The following PSG5 variants were observed in gnomAD, a reference collection of about 807,000 sequenced individuals.
The protein encoded by PSG5 is pregnancy specific beta-1-glycoprotein 5.
A neutral mutation model predicts 37.7 loss-of-function variants in PSG5; 53 were observed. That is an observed-to-expected ratio of 1.41 (90% CI 1.13 to 1.77). PSG5 has a LOEUF of 1.77. Among genes scored for constraint, PSG5 ranks in the 40% most tolerant of loss-of-function variants. The pLI is 0.00. For synonymous variants in PSG5, 221 were observed against 155.4 expected, an observed-to-expected ratio of 1.42 and a Z score of -3.14; for missense variants, 547 against 405.2, an observed-to-expected ratio of 1.35 and a Z score of -3.00.
At position 43,186,389 on chromosome 19, in the gene PSG5, G is replaced by T. The variant is rs1238338729; in HGVS notation, c.17C>A (p.Ala6Asp). Residue 6 changes from alanine to aspartate, a missense_variant, in exon 1 of 6, where the codon GCC becomes GAC. Coordinates refer to ENST00000342951, the MANE Select transcript of PSG5 (RefSeq NM_002781.4). ...GGTGATGTGCTGTGTGCAGGGAGGG[G>T]CTGAGAGGGGCCCCATGGTCTCTGC... MGPLSAPPCTQHITWK... is the reference protein window; with the variant it reads MGPLSDPPCTQHITWK... 6.2e-7 allele frequency: 1 copy of T among 1,612,098 alleles called. No individual in the cohort carries two copies. Among genetic ancestry groups the T allele is most frequent in the Non-Finnish European group, 8.5e-7 (1 of 1,178,894 alleles).
chr19:43,186,072 G>T (rs1267038137), intron 1 of PSG5, among the ~76,000 whole-genome samples: 2 of 151,032 alleles, frequency 1.3e-5, no homozygotes, highest in Non-Finnish European at 3.0e-5. Flanking sequence ...TGCCTCCCGG[G>T]TTCATGTGAT....
intron 2 of PSG5, among the ~76,000 whole-genome samples, chr19:43,177,940 TG>T (rs5828161): frequency 0.67 from 101,823 of 151,210 alleles, 35,544 homozygotes; most frequent in East Asian, 0.99. Context: ...TTGACCTTTT[TG>T]GTTAAACTTA....
Position 43,175,372 on chromosome 19 carries a change from T to C in PSG5, c.807A>G (p.Ala269=). 1 of 1,612,920 alleles carries C rather than the reference T, an allele frequency of 6.2e-7. No individual in the cohort carries two copies. Among genetic ancestry groups the C allele is most frequent in the Non-Finnish European group, 8.5e-7 (1 of 1,179,274 alleles). The change falls in exon 4 of 6, where the codon GCA becomes GCG. Residue 269 remains alanine (A), a synonymous_variant. Coordinates refer to ENST00000342951, the MANE Select transcript of PSG5 (RefSeq NM_002781.4). ...TCCCATTAATTGTCCAAAAATACTC[T>C]GCCGGTGGGTTAGATTCCGCGAAGC... ...LSCFAESNPP[A]EYFWTINGKF... is the part of the protein sequence containing the mutation.
chr19:43,168,707 T>C (rs1968840987), intron 5 of PSG5, among the ~76,000 whole-genome samples: 1 of 151,706 alleles, frequency 6.6e-6, no homozygotes, highest in South Asian at 2.1e-4. Flanking sequence ...CCATAAATAT[T>C]ATTTAGAGAA....
Position 43,185,074 on chromosome 19 carries a change from G to A in PSG5, c.138C>T (p.Ser46=), listed in dbSNP as rs144183097. 1.0e-4 allele frequency: 162 copies of A among 1,612,228 alleles called. 3 individuals carry two copies. The highest frequency in any genetic ancestry group is 3.8e-4 in the Admixed American group (23 of 59,872). ...VTIEALPPKV[S]EGKDVLLLVH... ...CAAGTAGAAGAACATCCTTCCCCTC[G>A]GAAACTTTGGGTGGCAGGGCTTCAA... The change falls in exon 2 of 6, where the codon TCC becomes TCT. Residue 46 remains serine (S), a synonymous_variant. Transcript: ENST00000342951.
At chr19:43,183,266 G>A (rs970838500) in intron 2 of PSG5, 26 of 347,170 alleles carry the variant, frequency 7.5e-5, no homozygotes, top group African/African-American at 4.8e-4. Flanking sequence ...GTGGCTTTAG[G>A]GGCAAGAGGT....
chr19:43,172,005 G>C (rs1357414102), intron 4 of PSG5, among the ~76,000 whole-genome samples: 1 of 142,430 alleles, frequency 7.0e-6, no homozygotes, highest in Non-Finnish European at 1.5e-5. Context: ...AAAAGAAAAA[G>C]AAAGAAAGAA....
rs763655840 is a variant in PSG5, at chr19:43,175,476, C to G, written c.710-7G>C. ...CTGGGGAGGTCTGGACCATCTGGAGCAAAGAGAATGAAGCCACAGGTGATG... is the reference window on the plus strand; with the variant it reads ...CTGGGGAGGTCTGGACCATCTGGAGGAAAGAGAATGAAGCCACAGGTGATG... On this transcript the variant is annotated splice_polypyrimidine_tract_variant and splice_region_variant and intron_variant, in intron 3 of 5. Transcript: ENST00000342951. 1.3e-5 allele frequency: 21 copies of G among 1,600,224 alleles called. 1 individual carries two copies. In the Middle Eastern group the frequency reaches 5.0e-4, roughly 38 times the overall value.
chr19:43,175,800 A>C lies in PSG5; in HGVS notation c.709+70T>G, dbSNP rs1464531224. 2.0e-5 allele frequency: 32 copies of C among 1,594,928 alleles called. 1 individual carries two copies. In the Admixed American group the frequency reaches 5.1e-4, roughly 25 times the overall value. On this transcript the variant is annotated intron_variant, in intron 3 of 5. Transcript: ENST00000342951. ...CTATACTTGGACCGGAGAAAGACTG[A>C]GAGGACTGGCTTGTGGTCATTTAGA...
Position 43,184,794 on chromosome 19 carries a change from A to G in PSG5, c.418T>C (p.Phe140Leu). The G allele has an allele frequency of 1.2e-6, 2 of 1,612,264 alleles. No homozygotes were observed. The highest frequency in any genetic ancestry group is 2.2e-5 in the South Asian group (2 of 90,984). ...RTRGVTGYFT[F>L]NLYLKLPKPY... ...TGGAATCACTCACGGTATAAGTTGA[A>G]GGTGAAATATCCAGTTACTCCTCTA... The change falls in exon 2 of 6, where the codon TTC becomes CTC. Residue 140 changes from phenylalanine (F) to leucine (L), a missense_variant. Physicochemically the swap from Phe to Leu is conservative, Grantham distance 22. Transcript: ENST00000342951.
rs1969120741 is a variant in PSG5, at chr19:43,181,185, C to T, written c.430+3597G>A. 1.3e-5 allele frequency among the ~76,000 whole-genome samples: 2 copies of T among 151,580 alleles called. 1 individual carries two copies. Among genetic ancestry groups the T allele is most frequent in the Non-Finnish European group, 2.9e-5 (2 of 67,916 alleles). ...CCATTAGATAGCACACACCTGGCCA[C>T]CTCCAACTGGTCCCCAAAACCACCA... On this transcript the variant is annotated intron_variant, in intron 2 of 5. Transcript: ENST00000342951.
intron 1 of PSG5, 131 bp from the exon 2 acceptor site, chr19:43,185,278 A>G: frequency 7.9e-7 from 1 of 1,262,728 alleles, no homozygotes; most frequent in Non-Finnish European, 1.1e-6. Context: ...ACACACACAC[A>G]CACAAAAGGT....
rs1446628208 is a variant in PSG5 at position 43,178,030 on chromosome 19, T to C, written c.431-1882A>G. Among the ~76,000 whole-genome samples the C allele has an allele frequency of 1.3e-5, 2 of 151,710 alleles. 1 individual carries two copies. Among genetic ancestry groups the C allele is most frequent in the Non-Finnish European group, 2.9e-5 (2 of 67,950 alleles). On this transcript the variant is annotated intron_variant, in intron 2 of 5. Coordinates refer to ENST00000342951, the MANE Select transcript of PSG5 (RefSeq NM_002781.4). ...AATTTCCTTTCAGATTGTTCATTGT[T>C]AGTGTATAGCCTAAAGAATGATCTA...
chr19:43,173,568 A>C (rs1482083161), intron 4 of PSG5, among the ~76,000 whole-genome samples: 1 of 151,658 alleles, frequency 6.6e-6, no homozygotes, highest in Admixed American at 6.6e-5. Flanking sequence ...TTCTCCAAGG[A>C]AGATATACAA....
At position 43,185,145 on chromosome 19, in the gene PSG5, A is replaced by G. The variant is rs199504013; in HGVS notation, c.67T>C (p.Ser23Pro). The G allele has an allele frequency of 1.9e-6, 3 of 1,599,610 alleles. No homozygotes were observed. In the East Asian group the frequency reaches 6.7e-5, roughly 36 times the overall value. ...ITWKGLLLTA[S>P]LLNFWNLPIT... is the part of the protein sequence containing the mutation. ...GGCAGGTTCCAGAAGTTTAAAAGTG[A>G]TGCTAGGAGGTGGAGAAAGCACCAG... Residue 23 changes from serine (S) to proline (P), a missense_variant and splice_region_variant, in exon 2 of 6, where the codon TCA becomes CCA. Physicochemically the swap from Ser to Pro is moderately conservative, Grantham distance 74 (BLOSUM62 -1). Coordinates refer to ENST00000342951, the MANE Select transcript of PSG5 (RefSeq NM_002781.4).
chr19:43,173,801 G>A (rs1387627292), intron 4 of PSG5, among the ~76,000 whole-genome samples: 1 of 151,530 alleles, frequency 6.6e-6, no homozygotes, highest in African/African-American at 2.4e-5. Flanking sequence ...TGTAAAAAGT[G>A]GTGTGGCTGT....
rs574195972 is a variant in PSG5 at position 43,184,802 on chromosome 19, T to C, written c.410A>G (p.Tyr137Cys). The change falls in exon 2 of 6, where the codon TAT (tyrosine) becomes TGT (cysteine). Residue 137 changes from tyrosine to cysteine, a missense_variant. Coordinates refer to ENST00000342951, the MANE Select transcript of PSG5 (RefSeq NM_002781.4). ...RGDRTRGVTG[Y>C]FTFNLYLKLP... ...CTCACGGTATAAGTTGAAGGTGAAA[T>C]ATCCAGTTACTCCTCTAGTCCTATC... 1 of 1,612,216 alleles carries C rather than the reference T, an allele frequency of 6.2e-7. No individual in the cohort carries two copies. Among genetic ancestry groups the C allele is most frequent in the Admixed American group, 1.7e-5 (1 of 59,860 alleles).
chr19:43,169,545 T>A (rs1286396292), intron 5 of PSG5, among the ~76,000 whole-genome samples: 4 of 151,410 alleles, frequency 2.6e-5, no homozygotes, highest in African/African-American at 9.7e-5. Context: ...GAAGTAGAGG[T>A]AAAGGAAGTG....
chr19:43,178,774 G>A (rs1315112561), intron 2 of PSG5: 6 of 1,607,210 alleles, frequency 3.7e-6, no homozygotes, highest in Admixed American at 3.3e-5. Flanking sequence ...ATGTCCAGGG[G>A]TAAAGGTCTC....
Sources: allele counts gnomAD v4.1 joint callset (sites outside exome capture counted in the v4.1 genomes callset), GRCh38; gene constraint gnomAD v4.1.1; transcripts MANE v1.5; gene names NCBI Gene and HGNC (gene_info 2026-07-23, HGNC 2026-07-21).